The following PLD5 variants were observed in gnomAD, a reference collection of about 807,000 sequenced individuals.
PLD5 encodes phospholipase D family member 5, also known as inactive phospholipase D5.
Under a neutral mutation model 61.1 loss-of-function variants are expected in PLD5, and 36 were observed. That is an observed-to-expected ratio of 0.59 (90% CI 0.45 to 0.78). PLD5 has a LOEUF of 0.78. Among genes scored for constraint, PLD5 ranks in the 30% least tolerant of loss-of-function variants. The pLI, the probability that PLD5 is intolerant of heterozygous loss-of-function variation, is 0.00. For synonymous variants in PLD5, 243 were observed against 242.8 expected (o/e 1.00, Z -0.01); for missense variants, 515 against 644.4 (o/e 0.80, Z 2.17).
rs34060008 is a variant in PLD5 at position 242,097,359 on chromosome 1, C to T, written c.1354+3309G>A. ...CACAATGGTTGAACTAGTTTACAGTCCCACCAACAGTGTAAAAGTGTTCCT... is the reference window on the plus strand; with the variant it reads ...CACAATGGTTGAACTAGTTTACAGTTCCACCAACAGTGTAAAAGTGTTCCT... On this transcript the variant is annotated intron_variant, in intron 9 of 9. Coordinates refer to ENST00000536534, the MANE Select transcript of PLD5 (RefSeq NM_001372062.1). Among the ~76,000 whole-genome samples, 188 of 152,260 alleles carry T rather than the reference C, an allele frequency of 1.2e-3. 1 individual carries two copies. The highest frequency in any genetic ancestry group is 2.1e-3 in the Non-Finnish European group (144 of 68,012).
At chr1:242,316,340 A>G (rs577651149) in intron 2 of PLD5, among the ~76,000 whole-genome samples, 6 of 152,306 alleles carry the variant, frequency 3.9e-5, no homozygotes, top group Admixed American at 3.9e-4. Context: ...CTCCTTCAGG[A>G]AACAGTGTGC....
At chr1:242,326,126 C>T (rs925053209) in intron 2 of PLD5, among the ~76,000 whole-genome samples, 4 of 82,034 alleles carry the variant, frequency 4.9e-5, no homozygotes, top group East Asian at 4.1e-4. Flanking sequence ...ATCCTCCCCC[C>T]TCCCTCCCAA....
At chr1:242,480,867 G>A (rs1054580308) in intron 1 of PLD5, among the ~76,000 whole-genome samples, 1 of 152,188 alleles carries the variant, frequency 6.6e-6, no homozygotes, top group Non-Finnish European at 1.5e-5. Flanking sequence ...TGGCGAGGAT[G>A]TGCAGAAAAT....
intron 1 of PLD5, among the ~76,000 whole-genome samples, chr1:242,445,698 CAG>C (rs1208740089): frequency 6.6e-6 from 1 of 150,944 alleles, no homozygotes; most frequent in Admixed American, 6.7e-5. Context: ...GCAGCCTGAA[CAG>C]ACTAAGACAG....
At chr1:242,289,176 G>A (rs1454804930) in intron 2 of PLD5, among the ~76,000 whole-genome samples, 1 of 152,118 alleles carries the variant, frequency 6.6e-6, no homozygotes, top group Non-Finnish European at 1.5e-5. Flanking sequence ...ATTCTAATAA[G>A]TTTGTTTTCT....
intron 1 of PLD5, among the ~76,000 whole-genome samples, chr1:242,490,521 T>C (rs533698290): frequency 6.6e-6 from 1 of 152,246 alleles, no homozygotes; most frequent in African/African-American, 2.4e-5. Context: ...ACACATTTTC[T>C]TAATAACATA....
chr1:242,183,696 C>A (rs1667669621), intron 5 of PLD5, among the ~76,000 whole-genome samples: 1 of 152,146 alleles, frequency 6.6e-6, no homozygotes, highest in Non-Finnish European at 1.5e-5. Flanking sequence ...GAGATCCAGA[C>A]CATCTTGGCT....
intron 1 of PLD5, among the ~76,000 whole-genome samples, chr1:242,460,390 G>T (rs1667081130): frequency 6.6e-6 from 1 of 152,066 alleles, no homozygotes. Context: ...ATCCACCTAG[G>T]AACAAAGAGA....
At chr1:242,128,897 G>A (rs1452322081) in intron 5 of PLD5, among the ~76,000 whole-genome samples, 1 of 152,142 alleles carries the variant, frequency 6.6e-6, no homozygotes, top group African/African-American at 2.4e-5. Context: ...AAAGGCACAG[G>A]CAAATATTAG....
chr1:242,426,660 T>C (rs1665445525), intron 1 of PLD5, among the ~76,000 whole-genome samples: 1 of 152,252 alleles, frequency 6.6e-6, no homozygotes, highest in Non-Finnish European at 1.5e-5. Context: ...TGTAAGTATA[T>C]ATGTGAGGCA....
intron 4 of PLD5, among the ~76,000 whole-genome samples, chr1:242,225,484 G>A (rs546442271): frequency 4.9e-4 from 73 of 150,498 alleles, no homozygotes; most frequent in African/African-American, 1.7e-3. Context: ...CACACATAAC[G>A]CATGTGAGAC....
chr1:242,446,365 T>G (rs1005059295), intron 1 of PLD5, among the ~76,000 whole-genome samples: 1 of 151,734 alleles, frequency 6.6e-6, no homozygotes, highest in Non-Finnish European at 1.5e-5. Flanking sequence ...AGGCCAGGAG[T>G]TCGAGGCCAA....
chr1:242,327,475 A>G (rs1658871240), intron 2 of PLD5, among the ~76,000 whole-genome samples: 1 of 152,240 alleles, frequency 6.6e-6, no homozygotes, highest in East Asian at 1.9e-4. Flanking sequence ...TATTAGCCCT[A>G]GAACAGAACA....
chr1:242,285,021 A>C (rs963525543), intron 3 of PLD5, among the ~76,000 whole-genome samples: 2 of 152,244 alleles, frequency 1.3e-5, no homozygotes, highest in African/African-American at 4.8e-5. Flanking sequence ...TCTCTTCGGC[A>C]GGAGCAGTAT....
chr1:242,124,358 C>G (rs1401422279), intron 6 of PLD5, 110 bp downstream of exon 6: 1 of 1,005,730 alleles, frequency 9.9e-7, no homozygotes, highest in Non-Finnish European at 1.5e-6. Context: ...TGGGATAGAA[C>G]CACTGTAATT....
intron 7 of PLD5, among the ~76,000 whole-genome samples, chr1:242,112,282 AC>A (rs1661562781): frequency 8.7e-6 from 1 of 115,548 alleles, no homozygotes; most frequent in Admixed American, 8.6e-5. Flanking sequence ...CAAAGGATGC[AC>A]TGTGTGTGTG....
intron 5 of PLD5, among the ~76,000 whole-genome samples, chr1:242,131,557 C>A (rs2148758183): frequency 6.6e-6 from 1 of 152,230 alleles, no homozygotes; most frequent in Admixed American, 6.5e-5. Context: ...TCACGACAAC[C>A]CATTTCACAG....
chr1:242,093,601 G>A (rs1226414496), intron 9 of PLD5, among the ~76,000 whole-genome samples: 1 of 152,140 alleles, frequency 6.6e-6, no homozygotes, highest in Admixed American at 6.5e-5. Context: ...TTCAAAGCCA[G>A]GTCTGACCCC....
intron 2 of PLD5, among the ~76,000 whole-genome samples, chr1:242,320,435 G>T (rs1176966810): frequency 6.6e-6 from 1 of 152,184 alleles, no homozygotes; most frequent in African/African-American, 2.4e-5. Flanking sequence ...TCAGGAAAGG[G>T]GGTGCTGAAG....
Sources: gnomAD v4.1 joint callset for allele counts (sites outside exome capture counted in the v4.1 genomes callset) on GRCh38, gnomAD v4.1.1 for gene constraint, MANE v1.5 for transcripts, NCBI Gene and HGNC (gene_info 2026-07-23, HGNC 2026-07-21) for gene names.